The following GLRA1 variants were observed in gnomAD, a reference collection of about 807,000 sequenced individuals.
The protein encoded by GLRA1 is glycine receptor subunit alpha-1.
Under a neutral mutation model 48.3 loss-of-function variants are expected in GLRA1, and 37 were observed. The observed-to-expected ratio is 0.77, with a 90% CI of 0.59 to 1.01. The LOEUF is 1.01. Among genes scored for constraint, GLRA1 ranks in the 50% least tolerant of loss-of-function variants. The pLI is 0.00. For synonymous variants in GLRA1, 196 were observed against 210.7 expected (o/e 0.93, Z 0.60); for missense variants, 427 against 571.0 (o/e 0.75, Z 2.57).
At chr5:151,909,657 G>A (rs1754559869) in intron 1 of GLRA1, among the ~76,000 whole-genome samples, 1 of 152,162 alleles carries the variant, frequency 6.6e-6, no homozygotes, top group Non-Finnish European at 1.5e-5. Flanking sequence ...CTGGTCCCTA[G>A]TAAAATAAAA....
chr5:151,867,701 T>C (rs769092311), intron 3 of GLRA1, among the ~76,000 whole-genome samples: 11 of 152,244 alleles, frequency 7.2e-5, no homozygotes, highest in Non-Finnish European at 1.3e-4. Context: ...AAGTGCTTTT[T>C]CTGGATTTAC....
At position 151,849,521 on chromosome 5, in the gene GLRA1, T is replaced by C. The variant is rs71588030; in HGVS notation, c.912+1869A>G. Among the ~76,000 whole-genome samples the C allele has an allele frequency of 6.4e-4, 84 of 131,228 alleles. 1 individual carries two copies. The highest frequency in any genetic ancestry group is 2.1e-3 in the African/African-American group (70 of 33,082). The allele number at this position is 131,228 out of a possible 152,430, so 86.1% of individuals were successfully genotyped here. A position where few individuals can be genotyped will look rare whatever the true frequency, so the allele number is the denominator to read the frequency against. On this transcript the variant is annotated intron_variant, in intron 7 of 8. Coordinates refer to ENST00000274576, the MANE Select transcript of GLRA1 (RefSeq NM_000171.4). ...CTTTTCTTTCTTTCTTTCTTTCTTT[T>C]TTTCTTTCTTTCTTTCTGTCCTCTC...
At chr5:151,888,481 T>C (rs1386589002) in intron 2 of GLRA1, among the ~76,000 whole-genome samples, 2 of 152,208 alleles carry the variant, frequency 1.3e-5, no homozygotes, top group African/African-American at 4.8e-5. Flanking sequence ...GCTTCAGTGG[T>C]TTGGAATTCC....
chr5:151,832,998 C>T (rs1173449944), intron 7 of GLRA1, among the ~76,000 whole-genome samples: 2 of 152,196 alleles, frequency 1.3e-5, no homozygotes, highest in Non-Finnish European at 2.9e-5. Flanking sequence ...CAATATTCAA[C>T]AATCTTAAAG....
intron 5 of GLRA1, among the ~76,000 whole-genome samples, chr5:151,855,401 G>T (rs1195448035): frequency 6.6e-6 from 1 of 152,022 alleles, no homozygotes; most frequent in African/African-American, 2.4e-5. Flanking sequence ...GCATTAGTTT[G>T]TCCTATTGTT....
intron 7 of GLRA1, among the ~76,000 whole-genome samples, chr5:151,843,405 C>A (rs1752562494): frequency 6.6e-6 from 1 of 151,800 alleles, no homozygotes; most frequent in African/African-American, 2.4e-5. Flanking sequence ...GGACTACAGG[C>A]ACCTGCCACC....
At chr5:151,846,450 G>A (rs1288690823) in intron 7 of GLRA1, among the ~76,000 whole-genome samples, 1 of 152,238 alleles carries the variant, frequency 6.6e-6, no homozygotes, top group Non-Finnish European at 1.5e-5. Flanking sequence ...AGCAGAATGT[G>A]TTGTCAGGTG....
chr5:151,850,698 C>T (rs1752878621), intron 7 of GLRA1: 2 of 1,179,594 alleles, frequency 1.7e-6, no homozygotes, highest in Admixed American at 1.7e-5. Context: ...GACTGTTGCC[C>T]CTCTGCCACT....
At chr5:151,915,088 T>C (rs1416819899) in intron 1 of GLRA1, among the ~76,000 whole-genome samples, 3 of 152,214 alleles carry the variant, frequency 2.0e-5, no homozygotes, top group African/African-American at 7.2e-5. Context: ...TATGTATCAG[T>C]CTTGTCTCCT....
chr5:151,850,181 AG>A, intron 7 of GLRA1: 1 of 1,603,556 alleles, frequency 6.2e-7, no homozygotes, highest in South Asian at 1.1e-5. Flanking sequence ...GAGCAGGCAA[AG>A]CCCATGGCAG....
chr5:151,842,424 T>C (rs557319661), intron 7 of GLRA1, among the ~76,000 whole-genome samples: 4 of 151,222 alleles, frequency 2.6e-5, no homozygotes, highest in Non-Finnish European at 5.9e-5. Context: ...TATGAGTAAG[T>C]GGGATGTATC....
intron 1 of GLRA1, among the ~76,000 whole-genome samples, chr5:151,922,858 C>T (rs1754913840): frequency 6.6e-6 from 1 of 152,306 alleles, no homozygotes; most frequent in East Asian, 1.9e-4. Context: ...TATTAATTTG[C>T]TCTTAAATCT....
intron 7 of GLRA1, among the ~76,000 whole-genome samples, chr5:151,843,815 C>T (rs1752583880): frequency 6.6e-6 from 1 of 152,094 alleles, no homozygotes; most frequent in South Asian, 2.1e-4. Flanking sequence ...ATCAATTCAA[C>T]AGGGAAAAGA....
rs940352624 is a variant in GLRA1 at position 151,828,853 on chromosome 5, C to G, written c.1059+68G>C. 8.8e-6 allele frequency: 13 copies of G among 1,472,304 alleles called. No homozygotes were observed. The Admixed American group carries it at 2.3e-4, about 27-fold the overall frequency. The allele number at this position is 1,472,304 out of a possible 1,614,324, so 91.2% of individuals were successfully genotyped here. On this transcript the variant is annotated intron_variant, in intron 8 of 8. Transcript: ENST00000274576. ...GACCATTGAAACAAATAACACAAGA[C>G]AATACTGCTTAGAACTCTTTTGTTT...
At chr5:151,893,089 A>G (rs1754123076) in intron 1 of GLRA1, among the ~76,000 whole-genome samples, 1 of 152,202 alleles carries the variant, frequency 6.6e-6, no homozygotes, top group Non-Finnish European at 1.5e-5. Flanking sequence ...CTGACATAGG[A>G]CCCAGAGTAA....
chr5:151,843,625 A>C (rs975734510), intron 7 of GLRA1, among the ~76,000 whole-genome samples: 4 of 152,254 alleles, frequency 2.6e-5, no homozygotes, highest in African/African-American at 7.2e-5. Context: ...AACAATCTTG[A>C]AAAAGTAGAA....
At position 151,892,388 on chromosome 5, in the gene GLRA1, A is replaced by T; in HGVS notation, c.107T>A (p.Met36Lys). Reference sequence around the variant, plus strand: ...CTTATCCAGGAAATCCGAGGGTGACATAGGCTTGGGTGCGGAGCGAGCAGC... The same window carrying T: ...CTTATCCAGGAAATCCGAGGGTGACTTAGGCTTGGGTGCGGAGCGAGCAGC... ...AEAARSAPKP[M>K]SPSDFLDKLM... Residue 36 changes from methionine to lysine, a missense_variant, in exon 2 of 9, where the codon ATG becomes AAG. Around this residue, in one of 4 missense-constraint regions of GLRA1, gnomAD observed 271 missense variants for 434.9 expected, o/e 0.62. Coordinates refer to ENST00000274576, the MANE Select transcript of GLRA1 (RefSeq NM_000171.4). The T allele has an allele frequency of 6.2e-7, 1 of 1,614,056 alleles. No homozygotes were observed. The highest frequency in any genetic ancestry group is 8.5e-7 in the Non-Finnish European group (1 of 1,179,902).
intron 8 of GLRA1, among the ~76,000 whole-genome samples, chr5:151,823,941 G>T (rs1292448743): frequency 4.0e-5 from 6 of 151,810 alleles, no homozygotes; most frequent in Non-Finnish European, 5.9e-5. Context: ...CTCTGAGGAG[G>T]AATTGAGAGT....
At chr5:151,903,654 T>C (rs941917987) in intron 1 of GLRA1, among the ~76,000 whole-genome samples, 4 of 152,174 alleles carry the variant, frequency 2.6e-5, no homozygotes, top group African/African-American at 9.7e-5. Flanking sequence ...AAATGTATAT[T>C]ATACCCCTGC....
Sources: gnomAD v4.1 joint callset for allele counts (sites outside exome capture counted in the v4.1 genomes callset) on GRCh38, gnomAD v4.1.1 for gene constraint, gnomAD v4.1.1 regional missense constraint, MANE v1.5 for transcripts, NCBI Gene and HGNC (gene_info 2026-07-23, HGNC 2026-07-21) for gene names.